The following ITPK1 variants were observed in gnomAD, a reference collection of about 807,000 sequenced individuals.
The protein encoded by ITPK1 is inositol-tetrakisphosphate 1-kinase.
A neutral mutation model predicts 45.3 loss-of-function variants in ITPK1; 21 were observed. That is an observed-to-expected ratio of 0.46 (90% CI 0.33 to 0.67). The LOEUF is 0.67. ITPK1 is among the 30% of genes least tolerant of loss of function. The probability of loss-of-function intolerance (pLI) is 0.02; values close to 1 mark genes in which losing one functional copy is unlikely to be tolerated. For missense variants in ITPK1, 474 were observed against 573.5 expected (o/e 0.83, Z 1.77); for synonymous variants, 258 against 253.6 (o/e 1.02, Z -0.16).
At position 93,070,355 on chromosome 14, in the gene ITPK1, T is replaced by C. The variant is rs868627691; in HGVS notation, c.120+6240A>G. 8 of 152,310 alleles carry C rather than the reference T, an allele frequency of 5.3e-5. 1 individual carries two copies. In the East Asian group the frequency reaches 5.8e-4, roughly 11 times the overall value. 9.4% of individuals were successfully genotyped at this position (152,310 alleles called of 1,614,324 possible). On this transcript the variant is annotated intron_variant, in intron 3 of 10. Coordinates refer to ENST00000267615, the MANE Select transcript of ITPK1 (RefSeq NM_014216.6). Reference sequence around the variant, plus strand: ...GCTCCTCCTGAGCCTTCCCCACAGATTGGATCGGAGTGGAAGGTGCCCCCA... The same window carrying C: ...GCTCCTCCTGAGCCTTCCCCACAGACTGGATCGGAGTGGAAGGTGCCCCCA...
intron 3 of ITPK1, among the ~76,000 whole-genome samples, chr14:93,050,063 G>A (rs1291330863): frequency 6.6e-6 from 1 of 152,164 alleles, no homozygotes. Context: ...TCGAGGAATG[G>A]CCTTCCCGGG....
intron 3 of ITPK1, among the ~76,000 whole-genome samples, chr14:93,075,586 G>A (rs1891189804): frequency 6.6e-6 from 1 of 152,152 alleles, no homozygotes; most frequent in South Asian, 2.1e-4. Context: ...CTGGTCCCAG[G>A]AGCAGGGGAA....
At chr14:93,114,683 G>A (rs1297130077) in intron 2 of ITPK1, among the ~76,000 whole-genome samples, 1 of 152,176 alleles carries the variant, frequency 6.6e-6, no homozygotes, top group Non-Finnish European at 1.5e-5. Flanking sequence ...AAGGGAAGGG[G>A]ACGAAGGAAG....
chr14:92,940,541 G>A lies in ITPK1; in HGVS notation c.*1020C>T. On this transcript the variant is annotated 3_prime_UTR_variant, in exon 11 of 11. Transcript: ENST00000267615. ...CTGCTGGGTGAGGAGGGACCCAGCA[G>A]GTGTGAAAAGGAGTGAACCCACTGG... is the stretch of plus-strand genomic sequence containing the variant. 8.5e-7 allele frequency: 1 copy of A among 1,173,266 alleles called. No homozygotes were observed. The highest frequency in any genetic ancestry group is 1.1e-6 in the Non-Finnish European group (1 of 933,292). 72.7% of individuals were successfully genotyped at this position (1,173,266 alleles called of 1,614,324 possible). A position where few individuals can be genotyped will look rare whatever the true frequency, so the allele number is the denominator to read the frequency against.
At chr14:92,952,994 T>G (rs1403717500) in intron 8 of ITPK1, among the ~76,000 whole-genome samples, 1 of 152,174 alleles carries the variant, frequency 6.6e-6, no homozygotes, top group Non-Finnish European at 1.5e-5. Context: ...CAGCCCCTCC[T>G]TGAGTCCTTG....
intron 4 of ITPK1, among the ~76,000 whole-genome samples, chr14:93,006,243 G>C (rs1887609188): frequency 6.6e-6 from 1 of 152,348 alleles, no homozygotes; most frequent in South Asian, 2.1e-4. Flanking sequence ...AGGGGTAGGG[G>C]AAACGCTGGA....
At chr14:92,994,452 C>A (rs1437457631) in intron 4 of ITPK1, among the ~76,000 whole-genome samples, 1 of 152,162 alleles carries the variant, frequency 6.6e-6, no homozygotes, top group Non-Finnish European at 1.5e-5. Flanking sequence ...CACCAGCCAC[C>A]CAACACTCCT....
At chr14:93,005,237 C>T in intron 4 of ITPK1, among the ~76,000 whole-genome samples, 1 of 152,018 alleles carries the variant, frequency 6.6e-6, no homozygotes, top group East Asian at 1.9e-4. Context: ...GATGGGCTGC[C>T]TTCATCTTTT....
At chr14:92,974,808 T>C (rs3783916) in intron 5 of ITPK1, among the ~76,000 whole-genome samples, 32,825 of 152,248 alleles carry the variant, frequency 0.22, 3,964 homozygotes, top group East Asian at 0.32. Flanking sequence ...GGAGTGAGTC[T>C]TCCCCAGCAG....
rs905829254 is a variant in ITPK1 at position 93,100,552 on chromosome 14, G to C, written c.95+14517C>G. ...GAGAGAGGAGGGAGAGAGAGAGAGA[G>C]AGAGACAGAGAGAGAGAGAGACAGA... On this transcript the variant is annotated intron_variant, in intron 2 of 10. Coordinates refer to ENST00000267615, the MANE Select transcript of ITPK1 (RefSeq NM_014216.6). Among the ~76,000 whole-genome samples, 6 of 146,988 alleles carry C rather than the reference G, an allele frequency of 4.1e-5. No homozygotes were observed. The East Asian group carries it at 7.9e-4, about 19-fold the overall frequency.
Position 92,941,793 on chromosome 14 carries a change from T to C in ITPK1, c.1013A>G (p.His338Arg). ...CGCCGGCTCGGCCAGAAGCTTGCTG[T>C]GCCTCAGCAGGGCCACGTCCCCTGT... ...AATGDVALLR[H>R]SKLLAEPAGG... Residue 338 changes from histidine (H) to arginine (R), a missense_variant, in exon 11 of 11, where the codon CAC becomes CGC. By Grantham distance (29) the His-to-Arg change is conservative (BLOSUM62 0). Around this residue, in one of 2 missense-constraint regions of ITPK1, gnomAD observed 367 missense variants for 480.6 expected, o/e 0.76. Coordinates refer to ENST00000267615, the MANE Select transcript of ITPK1 (RefSeq NM_014216.6). 6.2e-7 allele frequency: 1 copy of C among 1,610,924 alleles called. No individual in the cohort carries two copies. Among genetic ancestry groups the C allele is most frequent in the Non-Finnish European group, 8.5e-7 (1 of 1,179,456 alleles).
chr14:92,963,582 C>T (rs1885198249), intron 5 of ITPK1, among the ~76,000 whole-genome samples: 2 of 152,234 alleles, frequency 1.3e-5, no homozygotes, highest in African/African-American at 4.8e-5. Context: ...CGCCTGGTCC[C>T]CCTGCCAATT....
chr14:93,074,581 G>GA (rs901267466), intron 3 of ITPK1, among the ~76,000 whole-genome samples: 4 of 152,252 alleles, frequency 2.6e-5, no homozygotes, highest in South Asian at 2.1e-4. Context: ...CACTTCCTCT[G>GA]AAAATGGCTC....
chr14:93,001,927 A>C (rs568257874), intron 4 of ITPK1, among the ~76,000 whole-genome samples: 1 of 152,314 alleles, frequency 6.6e-6, no homozygotes, highest in East Asian at 1.9e-4. Context: ...GGTCCTGCCA[A>C]GATTCCAGGG....
At chr14:93,074,033 C>A (rs190889587) in intron 3 of ITPK1, among the ~76,000 whole-genome samples, 1 of 152,204 alleles carries the variant, frequency 6.6e-6, no homozygotes, top group African/African-American at 2.4e-5. Context: ...GGAGATCCTG[C>A]GCACAGAAGC....
intron 2 of ITPK1, among the ~76,000 whole-genome samples, chr14:93,105,432 C>T (rs528353897): frequency 2.0e-5 from 3 of 152,002 alleles, no homozygotes; most frequent in Non-Finnish European, 4.4e-5. Flanking sequence ...ACAAGGAGCT[C>T]CCCAGCCCCC....
rs1224269648 is a variant in ITPK1 at position 92,941,600 on chromosome 14, A to G, written c.1206T>C (p.His402=). Residue 402 remains histidine (H), a synonymous_variant, in exon 11 of 11, where the codon CAT becomes CAC. Transcript: ENST00000267615. ...CCTTGGTGGCCAGGGAGGCCACACAATGCTGCTGGAAGCTGGGCGACACGC... is the reference window on the plus strand; with the variant it reads ...CCTTGGTGGCCAGGGAGGCCACACAGTGCTGCTGGAAGCTGGGCGACACGC... ...NAGVSPSFQQ[H]CVASLATKAS... 3.3e-6 allele frequency: 5 copies of G among 1,537,858 alleles called. No homozygotes were observed. In the African/African-American group the frequency reaches 4.1e-5, roughly 13 times the overall value.
At chr14:93,031,225 G>A (rs1889036790) in intron 3 of ITPK1, among the ~76,000 whole-genome samples, 1 of 152,104 alleles carries the variant, frequency 6.6e-6, no homozygotes, top group Non-Finnish European at 1.5e-5. Flanking sequence ...CTAAGAAGAA[G>A]GCAAGTGCAG....
chr14:93,047,555 A>C (rs1418698744), intron 3 of ITPK1, among the ~76,000 whole-genome samples: 1 of 152,210 alleles, frequency 6.6e-6, no homozygotes, highest in Non-Finnish European at 1.5e-5. Context: ...CAGAGACTAC[A>C]GCGATGCTCC....
Sources: allele counts gnomAD v4.1 joint callset (sites outside exome capture counted in the v4.1 genomes callset), GRCh38; gene constraint gnomAD v4.1.1; regional missense constraint gnomAD v4.1.1; transcripts MANE v1.5; gene names NCBI Gene and HGNC (gene_info 2026-07-23, HGNC 2026-07-21).